The following OSBPL10 variants were observed in gnomAD, a reference collection of about 807,000 sequenced individuals.
The protein encoded by OSBPL10 is oxysterol binding protein like 10.
OSBPL10 carries 49 observed loss-of-function variants against 81.7 expected under a neutral mutation model. The observed-to-expected ratio is 0.60, with a 90% CI of 0.48 to 0.76. The LOEUF is 0.76. Ranked by LOEUF, OSBPL10 falls within the 30% of genes least tolerant of loss-of-function variation. The probability of loss-of-function intolerance (pLI) is 0.00; values close to 1 mark genes in which losing one functional copy is unlikely to be tolerated. For synonymous variants in OSBPL10, 419 were observed against 383.6 expected (o/e 1.09, Z -1.08); for missense variants, 923 against 987.8 (o/e 0.93, Z 0.88).
intron 4 of OSBPL10, among the ~76,000 whole-genome samples, chr3:31,826,259 C>G (rs1261261306): frequency 6.6e-6 from 1 of 152,174 alleles, no homozygotes; most frequent in Non-Finnish European, 1.5e-5. Context: ...TAATACCCCA[C>G]CAATAATGGG....
intron 5 of OSBPL10, among the ~76,000 whole-genome samples, chr3:31,741,236 A>G (rs190373274): frequency 4.1e-4 from 63 of 152,340 alleles, no homozygotes; most frequent in Admixed American, 3.7e-3. Context: ...TTCCCAGTGG[A>G]AAGCCAGCGC....
At chr3:32,026,690 G>A (rs1699418372) in intron 2 of OSBPL10, among the ~76,000 whole-genome samples, 1 of 152,220 alleles carries the variant, frequency 6.6e-6, no homozygotes, top group Non-Finnish European at 1.5e-5. Context: ...CTGGGGAAAT[G>A]ACCGCCATAC....
chr3:31,973,488 C>T (rs1419966876), intron 1 of OSBPL10, among the ~76,000 whole-genome samples: 2 of 152,206 alleles, frequency 1.3e-5, no homozygotes, highest in Non-Finnish European at 2.9e-5. Context: ...GGCCTCACAA[C>T]ACTGCGAGGT....
In OSBPL10 at chr3:31,859,091, G is replaced by A. The variant is rs147111059; in HGVS notation, c.537+17342C>T. On this transcript the variant is annotated intron_variant, in intron 3 of 11. Transcript: ENST00000396556. ...AAACTGAGGCTAAGAGACATTACTC[G>A]TTTACTGAGTTACTTGAGATTACAA... Among the ~76,000 whole-genome samples, 265 of 152,292 alleles carry A rather than the reference G, an allele frequency of 1.7e-3. 1 individual carries two copies. Among genetic ancestry groups the A allele is most frequent in the Non-Finnish European group, 2.6e-3 (174 of 68,036 alleles).
chr3:31,790,300 C>G (rs1180773402), intron 4 of OSBPL10, among the ~76,000 whole-genome samples: 4 of 152,114 alleles, frequency 2.6e-5, no homozygotes, highest in Admixed American at 1.3e-4. Flanking sequence ...ACACTGCCAG[C>G]CAAGGGTGTA....
chr3:31,887,773 C>T (rs1435740774), intron 1 of OSBPL10, among the ~76,000 whole-genome samples: 1 of 152,160 alleles, frequency 6.6e-6, no homozygotes, highest in East Asian at 1.9e-4. Context: ...AGGCACAGCA[C>T]CTGCAGGCAA....
At chr3:31,664,275 T>A in intron 10 of OSBPL10, 43 bp from the exon 11 acceptor site, 1 of 1,600,868 alleles carries the variant, frequency 6.2e-7, no homozygotes, top group Non-Finnish European at 8.5e-7. Flanking sequence ...CCAGGCCAGC[T>A]GGCTGCAAGC....
At chr3:31,955,269 T>C (rs916669117) in intron 1 of OSBPL10, among the ~76,000 whole-genome samples, 3 of 152,264 alleles carry the variant, frequency 2.0e-5, no homozygotes, top group African/African-American at 7.2e-5. Flanking sequence ...ATATGCCATC[T>C]GGTCTTACCA....
chr3:31,810,124 G>A (rs945908236), intron 4 of OSBPL10, among the ~76,000 whole-genome samples: 8 of 151,948 alleles, frequency 5.3e-5, no homozygotes, highest in African/African-American at 1.9e-4. Context: ...ACCCACCTCA[G>A]CCTCCCAAAG....
chr3:31,857,952 T>A (rs1202988467), intron 3 of OSBPL10, among the ~76,000 whole-genome samples: 1 of 151,054 alleles, frequency 6.6e-6, no homozygotes, highest in Non-Finnish European at 1.5e-5. Flanking sequence ...CGTTTTTGTT[T>A]GACTGGTTGG....
chr3:31,661,873 C>T lies in OSBPL10; in HGVS notation c.*199G>A, dbSNP rs1193763386. Reference sequence around the variant, plus strand: ...ATACGGTGTGTACACACACGTGCCCCGAATGGCTCTTGAATAAATTCATTC... The same window carrying T: ...ATACGGTGTGTACACACACGTGCCCTGAATGGCTCTTGAATAAATTCATTC... On this transcript the variant is annotated 3_prime_UTR_variant, in exon 12 of 12. Transcript: ENST00000396556. 4.2e-6 allele frequency: 3 copies of T among 709,630 alleles called. No homozygotes were observed. Among genetic ancestry groups the T allele is most frequent in the East Asian group, 5.6e-5 (2 of 35,424 alleles). 44.0% of individuals were successfully genotyped at this position (709,630 alleles called of 1,614,324 possible). A position where few individuals can be genotyped will look rare whatever the true frequency, so the allele number is the denominator to read the frequency against.
intron 4 of OSBPL10, among the ~76,000 whole-genome samples, chr3:31,799,958 T>G (rs1699338259): frequency 1.3e-5 from 2 of 152,228 alleles, no homozygotes; most frequent in African/African-American, 4.8e-5. Context: ...TCCGCCCACC[T>G]TGGCCTCCCA....
upstream of OSBPL10, among the ~76,000 whole-genome samples, chr3:31,982,264 C>A (rs1698865638): frequency 6.6e-6 from 1 of 152,166 alleles, no homozygotes; most frequent in South Asian, 2.1e-4. Flanking sequence ...CTCTTTCTAT[C>A]CCACTAATAT....
intron 11 of OSBPL10, 67 bp downstream of exon 11, chr3:31,664,012 A>T: frequency 6.2e-7 from 1 of 1,613,832 alleles, no homozygotes; most frequent in Non-Finnish European, 8.5e-7. Context: ...CAGCAAGAAA[A>T]ACCCATCTAC....
At chr3:31,762,935 C>T (rs567981404) in intron 4 of OSBPL10, among the ~76,000 whole-genome samples, 1 of 152,184 alleles carries the variant, frequency 6.6e-6, no homozygotes, top group East Asian at 1.9e-4. Flanking sequence ...TCCTACAGAT[C>T]ACAGCACAAA....
At chr3:31,899,817 C>T (rs1229236250) in intron 1 of OSBPL10, among the ~76,000 whole-genome samples, 1 of 151,950 alleles carries the variant, frequency 6.6e-6, no homozygotes, top group East Asian at 1.9e-4. Context: ...CCCACCTCTA[C>T]AAAAAAAATT....
At chr3:31,965,484 T>C (rs1698312453) in intron 1 of OSBPL10, among the ~76,000 whole-genome samples, 1 of 103,402 alleles carries the variant, frequency 9.7e-6, no homozygotes, top group Non-Finnish European at 1.8e-5. Flanking sequence ...TTATATATTA[T>C]CTATTTTATA....
At position 31,981,235 on chromosome 3, in the gene OSBPL10, G is replaced by GGCTGCT. The variant is rs932601737; in HGVS notation, c.-62_-57dup. ...GCCGCGGTGGCGGCCCCGGCACGGC[G>GGCTGCT]GCTGCTGCTGCTGCTACAGCTCCGG... On this transcript the variant is annotated 5_prime_UTR_variant, in exon 1 of 12. Coordinates refer to ENST00000396556, the MANE Select transcript of OSBPL10 (RefSeq NM_017784.5). The surrounding 1 kb of genome is among the most constrained non-coding windows in gnomAD (Gnocchi z 4.5). 44 of 1,336,904 alleles carry GGCTGCT rather than the reference G, an allele frequency of 3.3e-5. No individual in the cohort carries two copies. The highest frequency in any genetic ancestry group is 5.6e-4 in the Middle Eastern group (2 of 3,566). The allele number at this position is 1,336,904 out of a possible 1,614,324, so 82.8% of individuals were successfully genotyped here.
intron 7 of OSBPL10, among the ~76,000 whole-genome samples, chr3:31,699,611 T>G (rs1182519280): frequency 6.6e-6 from 1 of 152,152 alleles, no homozygotes; most frequent in African/African-American, 2.4e-5. Flanking sequence ...TATTAAGAAT[T>G]TCAAGACAGT....
Sources: gnomAD v4.1 joint callset for allele counts (sites outside exome capture counted in the v4.1 genomes callset) on GRCh38, gnomAD v4.1.1 for gene constraint, Gnocchi (gnomAD v3.1) non-coding constraint, MANE v1.5 for transcripts, NCBI Gene and HGNC (gene_info 2026-07-23, HGNC 2026-07-21) for gene names.